Variants in ATP9B observed in about 807,000 individuals in gnomAD.
ATP9B encodes the protein probable phospholipid-transporting ATPase IIB.
Under a neutral mutation model 146.1 loss-of-function variants are expected in ATP9B, and 110 were observed. That is an observed-to-expected ratio of 0.75 (90% CI 0.65 to 0.88). The LOEUF (loss-of-function observed/expected upper bound fraction) is 0.88, where lower values mean the gene tolerates loss of function less well. Ranked by LOEUF, ATP9B falls within the 40% of genes least tolerant of loss-of-function variation. The pLI, the probability that ATP9B is intolerant of heterozygous loss-of-function variation, is 0.00. For synonymous variants in ATP9B, 604 were observed against 569.7 expected (o/e 1.06, Z -0.86); for missense variants, 1,499 against 1,496.4 (o/e 1.00, Z -0.03).
intron 7 of ATP9B, among the ~76,000 whole-genome samples, chr18:79,157,410 A>AAAAAAAAAAAC (rs2094808232): frequency 6.9e-6 from 1 of 145,896 alleles, no homozygotes; most frequent in Non-Finnish European, 1.5e-5. Flanking sequence ...AAAAAAAAAA[A>AAAAAAAAAAAC]AAAAAAAAAA....
intron 5 of ATP9B, among the ~76,000 whole-genome samples, chr18:79,128,103 A>G (rs35320170): frequency 1.2e-4 from 14 of 118,554 alleles, no homozygotes; most frequent in Non-Finnish European, 1.9e-4. Flanking sequence ...TCTGTCGCCC[A>G]GGCTGGAGTG....
At chr18:79,202,427 T>C (rs1471711248) in intron 9 of ATP9B, among the ~76,000 whole-genome samples, 1 of 152,186 alleles carries the variant, frequency 6.6e-6, no homozygotes, top group Non-Finnish European at 1.5e-5. Context: ...TTGCAAACCA[T>C]AGCACACTTA....
chr18:79,140,346 T>C (rs904472774), intron 5 of ATP9B, among the ~76,000 whole-genome samples: 3 of 152,206 alleles, frequency 2.0e-5, no homozygotes, highest in Admixed American at 6.5e-5. Flanking sequence ...GGGGGGAATT[T>C]CTTTAGTTTT....
chr18:79,342,109 A>C (rs1186316375), intron 19 of ATP9B, among the ~76,000 whole-genome samples, 159 bp from the exon 20 acceptor site: 1 of 152,264 alleles, frequency 6.6e-6, no homozygotes, highest in Non-Finnish European at 1.5e-5. Context: ...AGGCTGAATA[A>C]TACTCCATTG....
chr18:79,371,318 G>C lies in ATP9B; in HGVS notation c.3013-1507G>C, dbSNP rs567360674. 8.1e-4 allele frequency among the ~76,000 whole-genome samples: 111 copies of C among 136,376 alleles called. 3 individuals carry two copies. The South Asian group carries it at 0.026, about 32-fold the overall frequency. 89.5% of individuals were successfully genotyped at this position (136,376 alleles called of 152,430 possible). ...ACCTGGGAGGCAGAAGTTGCAATGAGCCAAGATCGTGCCATTGCACTCCAG... is the reference window on the plus strand; with the variant it reads ...ACCTGGGAGGCAGAAGTTGCAATGACCCAAGATCGTGCCATTGCACTCCAG... On this transcript the variant is annotated intron_variant, in intron 26 of 29. Coordinates refer to ENST00000426216, the MANE Select transcript of ATP9B (RefSeq NM_198531.5).
At chr18:79,312,111 G>T (rs1190196123) in intron 15 of ATP9B, among the ~76,000 whole-genome samples, 6 of 152,126 alleles carry the variant, frequency 3.9e-5, no homozygotes, top group African/African-American at 1.4e-4. Context: ...CCTTCGCCGA[G>T]GTGCCTTCAC....
chr18:79,278,088 T>C (rs2096333495), intron 13 of ATP9B, among the ~76,000 whole-genome samples: 1 of 152,174 alleles, frequency 6.6e-6, no homozygotes, highest in Admixed American at 6.5e-5. Context: ...TTTGCAGGTA[T>C]AGCAAAAGTG....
At chr18:79,215,652 G>A (rs2095620974) in intron 11 of ATP9B, among the ~76,000 whole-genome samples, 1 of 152,114 alleles carries the variant, frequency 6.6e-6, no homozygotes, top group African/African-American at 2.4e-5. Context: ...TGTGTTTTCT[G>A]ATAAGTGCTA....
chr18:79,134,116 T>C (rs117942472), intron 5 of ATP9B, among the ~76,000 whole-genome samples: 4,819 of 152,302 alleles, frequency 0.032, 115 homozygotes, highest in Non-Finnish European at 0.042. Context: ...TCCAGCTCCT[T>C]CTGTGATTTC....
chr18:79,219,370 A>C (rs1289785095), intron 11 of ATP9B, among the ~76,000 whole-genome samples: 1 of 152,060 alleles, frequency 6.6e-6, no homozygotes, highest in Non-Finnish European at 1.5e-5. Context: ...TTGTGCTGTA[A>C]GGGAAGAGAT....
chr18:79,200,761 A>AG (rs2095473753), intron 9 of ATP9B, among the ~76,000 whole-genome samples: 1 of 152,246 alleles, frequency 6.6e-6, no homozygotes, highest in Non-Finnish European at 1.5e-5. Context: ...GGAGGTGGGA[A>AG]CGTTGGGGTC....
At chr18:79,344,422 GTGTCTGTT>G in intron 21 of ATP9B, 68 bp downstream of exon 21, 1 of 1,420,550 alleles carries the variant, frequency 7.0e-7, no homozygotes. Context: ...CCCTGGCTGA[GTGTCTGTT>G]TGTCTCTCAG....
intron 1 of ATP9B, among the ~76,000 whole-genome samples, chr18:79,073,649 G>A (rs907582272): frequency 3.9e-5 from 6 of 152,146 alleles, no homozygotes; most frequent in Non-Finnish European, 5.9e-5. Context: ...GGGGGAGACC[G>A]TGGAAAGCGG....
At position 79,113,365 on chromosome 18, in the gene ATP9B, A is replaced by T. The variant is rs769754514; in HGVS notation, c.558+11A>T. 1 of 1,414,036 alleles carries T rather than the reference A, an allele frequency of 7.1e-7. No homozygotes were observed. Among genetic ancestry groups the T allele is most frequent in the African/African-American group, 1.5e-5 (1 of 66,924 alleles). 87.6% of individuals were successfully genotyped at this position (1,414,036 alleles called of 1,614,324 possible). A position where few individuals can be genotyped will look rare whatever the true frequency, so the allele number is the denominator to read the frequency against. On this transcript the variant is annotated intron_variant, in intron 4 of 29. Transcript: ENST00000426216. ...TACTGGGCTCCTCTGGTAAGAAAAG[A>T]CTTTAAAAATTAAGTTAAATTATGA...
chr18:79,341,948 G>T (rs1313240726), intron 19 of ATP9B, among the ~76,000 whole-genome samples: 1 of 152,164 alleles, frequency 6.6e-6, no homozygotes, highest in African/African-American at 2.4e-5. Context: ...CCACCATCTA[G>T]TTCTTTCTCT....
rs555992548 is a variant in ATP9B, at chr18:79,126,945, T to C, written c.667+570T>C. Among the ~76,000 whole-genome samples the C allele has an allele frequency of 3.9e-5, 6 of 152,134 alleles. No individual in the cohort carries two copies. In the East Asian group the frequency reaches 9.7e-4, roughly 24 times the overall value. On this transcript the variant is annotated intron_variant, in intron 5 of 29. Coordinates refer to ENST00000426216, the MANE Select transcript of ATP9B (RefSeq NM_198531.5). ...CAGTCCATAGTACAAAAGGAAGCAATGTATTAAGAAGAGAGTGGGGGAAAC... is the reference window on the plus strand; with the variant it reads ...CAGTCCATAGTACAAAAGGAAGCAACGTATTAAGAAGAGAGTGGGGGAAAC...
chr18:79,306,859 A>T (rs2096622748), intron 14 of ATP9B, 127 bp from the exon 15 acceptor site: 1 of 1,117,940 alleles, frequency 8.9e-7, no homozygotes, highest in Admixed American at 2.6e-5. Flanking sequence ...GGAGATAATC[A>T]GAATCAAATC....
At chr18:79,303,297 G>T (rs1397938640) in intron 13 of ATP9B, among the ~76,000 whole-genome samples, 2 of 152,088 alleles carry the variant, frequency 1.3e-5, no homozygotes, top group African/African-American at 4.8e-5. Context: ...AGGAGGTGGA[G>T]GCTGCAGTGA....
chr18:79,256,286 T>TATATATATATATATATATATATATACAC (rs398033647), intron 12 of ATP9B, among the ~76,000 whole-genome samples: 4 of 123,072 alleles, frequency 3.3e-5, no homozygotes, highest in African/African-American at 1.3e-4. Flanking sequence ...TATATATATA[T>TATATATATATATATATATATATATACAC]ACATACATAG....
Sources: gnomAD v4.1 joint callset for allele counts (sites outside exome capture counted in the v4.1 genomes callset) on GRCh38, gnomAD v4.1.1 for gene constraint, MANE v1.5 for transcripts, NCBI Gene and HGNC (gene_info 2026-07-23, HGNC 2026-07-21) for gene names.